Variants in NCOR2 observed in about 807,000 individuals in gnomAD.
NCOR2 encodes CTG repeat protein 26.
NCOR2 carries 81 observed loss-of-function variants against 262.9 expected under a neutral mutation model. The observed-to-expected ratio is 0.31, with a 90% confidence interval of 0.26 to 0.37. The LOEUF is 0.37. Among genes scored for constraint, NCOR2 ranks in the 10% least tolerant of loss-of-function variants. The pLI, the probability that NCOR2 is intolerant of heterozygous loss-of-function variation, is 1.00. For missense variants in NCOR2, 3,385 were observed against 3,621.4 expected (o/e 0.93, Z 1.68); for synonymous variants, 1,659 against 1,559.3 (o/e 1.06, Z -1.51).
chr12:124,360,395 C>T (rs775390090), intron 22 of NCOR2, among the ~76,000 whole-genome samples: 2 of 152,262 alleles, frequency 1.3e-5, no homozygotes, highest in Admixed American at 6.5e-5. Flanking sequence ...TCCACCTCCA[C>T]GGCCACCTGT....
exon 20 of NCOR2, chr12:124,372,380 C>T: frequency 6.6e-7 from 1 of 1,506,904 alleles, no homozygotes; most frequent in East Asian, 2.3e-5. Context: ...GGAGGAGGTG[C>T]AGAGGGCGAT....
exon 47 of NCOR2, chr12:124,325,377 G>GCCCGC: frequency 8.1e-5 from 20 of 246,780 alleles, no homozygotes; most frequent in South Asian, 1.2e-4. Context: ...ACCTGACACC[G>GCCCGC]CCCCCCCCCC....
chr12:124,443,485 C>CTTTATTTA lies in NCOR2; in HGVS notation c.816-5497_816-5490dup, dbSNP rs141568559. 6.6e-5 allele frequency among the ~76,000 whole-genome samples: 10 copies of CTTTATTTA among 151,958 alleles called. No individual in the cohort carries two copies. Among genetic ancestry groups the CTTTATTTA allele is most frequent in the South Asian group, 2.1e-4 (1 of 4,800 alleles). On this transcript the variant is annotated intron_variant, in intron 7 of 46. Coordinates refer to ENST00000405201, the Ensembl canonical transcript of NCOR2. The surrounding 1 kb of genome is among the most constrained non-coding windows in gnomAD (Gnocchi z 4.4). ...GAGGGTGTTGTGTTGGGCTGTGGTGCTTTATTTATTTATTTTTTATTTTTT... is the reference window on the plus strand; with the variant it reads ...GAGGGTGTTGTGTTGGGCTGTGGTGCTTTATTTATTTATTTATTTATTTTTTATTTTTT...
exon 47 of NCOR2, chr12:124,325,439 A>G: frequency 8.3e-7 from 1 of 1,197,926 alleles, no homozygotes; most frequent in South Asian, 1.9e-5. Context: ...CTGCGAGCAG[A>G]GCAGTGGCTT....
rs1477956929 is a variant in NCOR2, at chr12:124,454,212, C to T, written c.762+2894G>A. Among the ~76,000 whole-genome samples, 1 of 152,194 alleles carries T rather than the reference C, an allele frequency of 6.6e-6. No homozygotes were observed. Among genetic ancestry groups the T allele is most frequent in the Non-Finnish European group, 1.5e-5 (1 of 68,028 alleles). On this transcript the variant is annotated intron_variant, in intron 6 of 46. Transcript: ENST00000405201. The surrounding 1 kb of genome is among the most constrained non-coding windows in gnomAD (Gnocchi z 5.6). ...TTGCTGTGTGGCCCGGCACAAGGCACTCCTCTCACTGAGCCTCATCCAGAA... is the reference window on the plus strand; with the variant it reads ...TTGCTGTGTGGCCCGGCACAAGGCATTCCTCTCACTGAGCCTCATCCAGAA...
chr12:124,547,952 C>G (rs1461291526), intron 1 of NCOR2, among the ~76,000 whole-genome samples: 1 of 152,008 alleles, frequency 6.6e-6, no homozygotes, highest in Non-Finnish European at 1.5e-5. Context: ...TATATAACAA[C>G]ATATATATAA....
intron 34 of NCOR2, among the ~76,000 whole-genome samples, chr12:124,341,489 G>A (rs893224089): frequency 1.3e-5 from 2 of 152,014 alleles, no homozygotes; most frequent in Non-Finnish European, 2.9e-5. Flanking sequence ...CACCTGCCTC[G>A]CCCTCCCCAA....
chr12:124,370,379 T>C (rs1013970143), intron 20 of NCOR2, among the ~76,000 whole-genome samples: 1 of 152,218 alleles, frequency 6.6e-6, no homozygotes, highest in African/African-American at 2.4e-5. Flanking sequence ...CCTCAGTTCC[T>C]AGGGAATGTC....
intron 9 of NCOR2, among the ~76,000 whole-genome samples, chr12:124,430,144 A>G (rs1441262363): frequency 1.3e-5 from 2 of 152,194 alleles, no homozygotes; most frequent in African/African-American, 4.8e-5. Flanking sequence ...AGGTGTTGTT[A>G]TCATTACCAA....
rs752258070 is a variant in NCOR2 at position 124,449,887 on chromosome 12, A to T, written c.763-20T>A. The T allele has an allele frequency of 5.6e-6, 9 of 1,612,508 alleles. No individual in the cohort carries two copies. Among genetic ancestry groups the T allele is most frequent in the African/African-American group, 4.0e-5 (3 of 74,918 alleles). On this transcript the variant is annotated intron_variant, in intron 6 of 46. Coordinates refer to ENST00000405201, the Ensembl canonical transcript of NCOR2. ...CAGCGGCTGCAAAGGGAGAGAGAGAAGCACATCAGAGCCTGGCTGGCCACT... is the reference window on the plus strand; with the variant it reads ...CAGCGGCTGCAAAGGGAGAGAGAGATGCACATCAGAGCCTGGCTGGCCACT...
In NCOR2 at chr12:124,517,026, A is replaced by G. The variant is rs114874812; in HGVS notation, c.-118+18539T>C. On this transcript the variant is annotated intron_variant, in intron 1 of 46. Transcript: ENST00000404621. This position sits in a 1 kb window ranked among gnomAD's most constrained non-coding sequence, Gnocchi z 7.6. ...TCACACAGCCAGGAAGTGTCCAACCAGGACAGGAACCCAGGCAGTCTGCCC... is the reference window on the plus strand; with the variant it reads ...TCACACAGCCAGGAAGTGTCCAACCGGGACAGGAACCCAGGCAGTCTGCCC... Among the ~76,000 whole-genome samples, 3,041 of 152,120 alleles carry G rather than the reference A, an allele frequency of 0.02. 96 individuals are homozygous for G. Among genetic ancestry groups the G allele is most frequent in the African/African-American group, 0.069 (2,879 of 41,480 alleles).
chr12:124,390,827 G>C (rs1198484588), intron 16 of NCOR2, among the ~76,000 whole-genome samples: 1 of 152,256 alleles, frequency 6.6e-6, no homozygotes, highest in Non-Finnish European at 1.5e-5. Flanking sequence ...TTCTAAGGAA[G>C]GAGTTTCGTT....
At position 124,448,261 on chromosome 12, in the gene NCOR2, C is replaced by T. The variant is rs549008878; in HGVS notation, c.815+1554G>A. On this transcript the variant is annotated intron_variant, in intron 7 of 46. Coordinates refer to ENST00000405201, the Ensembl canonical transcript of NCOR2. The stretch of plus-strand genomic sequence containing the variant: ...AGAATGTCCCCCTTGCTTTCAGCAC[C>T]CCTCCATCTGTGGCTTCCCACCCCA... 3.2e-4 allele frequency among the ~76,000 whole-genome samples: 49 copies of T among 152,354 alleles called. 1 individual carries two copies. Among genetic ancestry groups the T allele is most frequent in the African/African-American group, 1.2e-3 (49 of 41,594 alleles).
chr12:124,479,415 G>A (rs1225777320), intron 3 of NCOR2, among the ~76,000 whole-genome samples: 1 of 149,526 alleles, frequency 6.7e-6, no homozygotes, highest in African/African-American at 2.5e-5. Context: ...GCACACACAG[G>A]TACATGCACG....
At chr12:124,441,575 A>C (rs1217893782) in intron 7 of NCOR2, among the ~76,000 whole-genome samples, 1 of 152,222 alleles carries the variant, frequency 6.6e-6, no homozygotes, top group Non-Finnish European at 1.5e-5. Context: ...ATGAATGCTA[A>C]ATTGGTTGGC....
intron 15 of NCOR2, among the ~76,000 whole-genome samples, chr12:124,399,832 C>T (rs749197256): frequency 2.0e-5 from 3 of 152,146 alleles, no homozygotes; most frequent in South Asian, 2.1e-4. Flanking sequence ...CTGCCCCCTG[C>T]GGCGAATCTT....
At chr12:124,449,484 A>T (rs2045389206) in intron 7 of NCOR2, among the ~76,000 whole-genome samples, 1 of 152,110 alleles carries the variant, frequency 6.6e-6, no homozygotes, top group African/African-American at 2.4e-5. Flanking sequence ...TGCCCGCAAC[A>T]GCTCCCTCCT....
chr12:124,379,920 G>A (rs1312186361), intron 17 of NCOR2, among the ~76,000 whole-genome samples: 2 of 152,264 alleles, frequency 1.3e-5, no homozygotes, highest in Admixed American at 6.5e-5. Flanking sequence ...CGAACTGCCA[G>A]CAGTCGCTGG....
rs2050789774 is a variant in NCOR2 at position 124,531,733 on chromosome 12, G to A, written c.-118+3832C>T. Among the ~76,000 whole-genome samples, 1 of 151,872 alleles carries A rather than the reference G, an allele frequency of 6.6e-6. No homozygotes were observed. The highest frequency in any genetic ancestry group is 1.5e-5 in the Non-Finnish European group (1 of 67,914). The stretch of plus-strand genomic sequence containing the variant: ...AAGCCGGTCCTCCCAGAGCCCCCGA[G>A]AGGTGAGATCCCACCGGGCCAGGGC... On this transcript the variant is annotated intron_variant, in intron 1 of 46. Coordinates refer to the NCOR2 transcript ENST00000404621. This position sits in a 1 kb window ranked among gnomAD's most constrained non-coding sequence, Gnocchi z 4.5.
Sources: allele counts gnomAD v4.1 joint callset (sites outside exome capture counted in the v4.1 genomes callset), GRCh38; gene constraint gnomAD v4.1.1; non-coding constraint Gnocchi (gnomAD v3.1); transcripts MANE v1.5; gene names NCBI Gene and HGNC (gene_info 2026-07-23, HGNC 2026-07-21).